PGR: variants seen among roughly 807,000 people sequenced by gnomAD.
The protein encoded by PGR is progesterone receptor.
In PGR, 25 loss-of-function variants were observed where a neutral mutation model predicts 76.1. That is an observed-to-expected ratio of 0.33 (90% CI 0.24 to 0.46). The LOEUF (loss-of-function observed/expected upper bound fraction) is 0.46. Ranked by LOEUF, PGR falls within the 20% of genes least tolerant of loss-of-function variation. PGR has a pLI of 1.00. For missense variants in PGR, 1,172 were observed against 1,225.3 expected, an observed-to-expected ratio of 0.96 and a Z score of 0.65; for synonymous variants, 579 against 535.0, an observed-to-expected ratio of 1.08 and a Z score of -1.14.
In PGR at chr11:101,128,711, C is replaced by T; in HGVS notation, c.360G>A (p.Ala120=). ...GTTGGCTCTGCCCGGGACCTGAGGG[C>T]GCCAACAGAGTGTCCAAGACACTGT... is the stretch of plus-strand genomic sequence containing the variant. ...LLDSVLDTLL[A]PSGPGQSQPS... The change falls in exon 1 of 8, where the codon GCG becomes GCA. Residue 120 remains alanine (A), a synonymous_variant. Transcript: ENST00000325455. 1 of 1,609,340 alleles carries T rather than the reference C, an allele frequency of 6.2e-7. No homozygotes were observed. The highest frequency in any genetic ancestry group is 8.5e-7 in the Non-Finnish European group (1 of 1,178,560).
Position 101,128,835 on chromosome 11 carries a change from G to T in PGR, c.236C>A (p.Ser79Ter). ...ATATGCGCCCTCCACGTCCGACAGC[G>T]ACTGCTGGTCCTGCGTCTTTTCGTC... ...PSDEKTQDQQ[S>*]LSDVEGAYSR... Residue 79 changes from serine to a stop codon, truncating the protein, a stop_gained, in exon 1 of 8, where the codon TCG becomes TAG. Transcript: ENST00000325455. LOFTEE classifies it high-confidence loss of function. 2 of 1,614,178 alleles carry T rather than the reference G, an allele frequency of 1.2e-6. No homozygotes were observed. Among genetic ancestry groups the T allele is most frequent in the East Asian group, 2.2e-5 (1 of 44,866 alleles).
rs759960940 is a variant in PGR, at chr11:101,128,421, G to T, written c.650C>A (p.Ala217Asp). 1.2e-6 allele frequency: 2 copies of T among 1,610,726 alleles called. No individual in the cohort carries two copies. The highest frequency in any genetic ancestry group is 2.2e-5 in the South Asian group (2 of 91,062). ...GAPVKPSPQA[A>D]AVEVEEEDGS... ...ATCCTCCTCCTCAACCTCCACCGCA[G>T]CGGCCTGCGGAGACGGCTTCACTGG... Residue 217 changes from alanine to aspartate, a missense_variant, in exon 1 of 8, where the codon GCT (alanine) becomes GAT (aspartate). By Grantham distance (126) the Ala-to-Asp change is moderately radical. Coordinates refer to ENST00000325455, the MANE Select transcript of PGR (RefSeq NM_000926.4).
At chr11:101,124,598 A>T (rs1862782408) in intron 2 of PGR, among the ~76,000 whole-genome samples, 1 of 152,168 alleles carries the variant, frequency 6.6e-6, no homozygotes, top group African/African-American at 2.4e-5. Flanking sequence ...TACTATCCTT[A>T]GGAGACTTTA....
chr11:101,110,626 C>T (rs998250567), intron 2 of PGR, among the ~76,000 whole-genome samples: 2 of 152,116 alleles, frequency 1.3e-5, no homozygotes, highest in African/African-American at 4.8e-5. Context: ...GAAATGACAA[C>T]AAAAGATTTA....
chr11:101,077,852 G>T (rs1861176039), intron 3 of PGR, among the ~76,000 whole-genome samples: 1 of 152,114 alleles, frequency 6.6e-6, no homozygotes, highest in Non-Finnish European at 1.5e-5. Context: ...CCAGGATTTG[G>T]GTGGAAAAAG....
chr11:101,127,893 C>T lies in PGR; in HGVS notation c.1178G>A (p.Gly393Asp). 1 of 1,607,512 alleles carries T rather than the reference C, an allele frequency of 6.2e-7. No individual in the cohort carries two copies. Among genetic ancestry groups the T allele is most frequent in the Non-Finnish European group, 8.5e-7 (1 of 1,178,998 alleles). Residue 393 changes from glycine (G) to aspartate (D), a missense_variant, in exon 1 of 8, where the codon GGC becomes GAC. Gly to Asp is a moderately conservative substitution (Grantham distance 94). This residue lies in a region of PGR where 893 missense variants were observed against 785.9 expected (regional missense o/e 1.14). Coordinates refer to ENST00000325455, the MANE Select transcript of PGR (RefSeq NM_000926.4). The part of the protein sequence containing the change: ...PALKIKEEEE[G>D]AEASARSPRS... ...CGGGGAGCGCGCGGAGGCCTCCGCGCCTTCCTCCTCCTCCTTTATCTTTAG... is the reference window on the plus strand; with the variant it reads ...CGGGGAGCGCGCGGAGGCCTCCGCGTCTTCCTCCTCCTCCTTTATCTTTAG...
At chr11:101,085,398 A>C (rs1591400644) in intron 3 of PGR, among the ~76,000 whole-genome samples, 1 of 151,964 alleles carries the variant, frequency 6.6e-6, no homozygotes, top group South Asian at 2.1e-4. Flanking sequence ...GAAAACAGAC[A>C]CAACATACCA....
At chr11:101,066,413 A>G (rs1860718141) in intron 3 of PGR, among the ~76,000 whole-genome samples, 1 of 151,810 alleles carries the variant, frequency 6.6e-6, no homozygotes, top group African/African-American at 2.4e-5. Context: ...CATCTTCTCA[A>G]CTTCTAAATC....
Position 101,029,652 on chromosome 11 carries a change from A to T in PGR, c.*9464T>A, listed in dbSNP as rs1037755236. The T allele has an allele frequency of 4.6e-5, 9 of 193,786 alleles. No individual in the cohort carries two copies. The highest frequency in any genetic ancestry group is 1.4e-4 in the African/African-American group (6 of 43,160). The allele number at this position is 193,786 out of a possible 1,614,324, so 12.0% of individuals were successfully genotyped here. On this transcript the variant is annotated 3_prime_UTR_variant, in exon 8 of 8. Coordinates refer to ENST00000325455, the MANE Select transcript of PGR (RefSeq NM_000926.4). ...AAATTAGTTTATTCTTTATTATCACACAGAATAACAAGAATTAGAGTTAAA... is the reference window on the plus strand; with the variant it reads ...AAATTAGTTTATTCTTTATTATCACTCAGAATAACAAGAATTAGAGTTAAA...
At chr11:101,070,392 G>A (rs1860885929) in intron 3 of PGR, among the ~76,000 whole-genome samples, 1 of 152,088 alleles carries the variant, frequency 6.6e-6, no homozygotes, top group Non-Finnish European at 1.5e-5. Context: ...CACAAAACTG[G>A]GCAGCCATTT....
chr11:101,071,934 C>T (rs1374104028), intron 3 of PGR, among the ~76,000 whole-genome samples: 1 of 152,086 alleles, frequency 6.6e-6, no homozygotes, highest in African/African-American at 2.4e-5. Context: ...ACTTCCCCAA[C>T]CTAGCAAGAC....
chr11:101,107,973 G>A (rs1005439723), intron 2 of PGR, among the ~76,000 whole-genome samples: 2 of 151,844 alleles, frequency 1.3e-5, no homozygotes, highest in African/African-American at 4.8e-5. Context: ...ATTTGAACTG[G>A]CCAGGTGCAG....
intron 2 of PGR, among the ~76,000 whole-genome samples, chr11:101,125,143 A>G (rs1172202415): frequency 6.6e-6 from 1 of 152,130 alleles, no homozygotes; most frequent in Non-Finnish European, 1.5e-5. Context: ...ATAGTTATAG[A>G]ATACATTTAT....
chr11:101,113,502 C>G (rs886939425), intron 2 of PGR, among the ~76,000 whole-genome samples: 1 of 151,770 alleles, frequency 6.6e-6, no homozygotes, highest in Non-Finnish European at 1.5e-5. Context: ...GATCTCCTGA[C>G]CTCGTGATCT....
chr11:101,070,604 G>T (rs1860897790), intron 3 of PGR, among the ~76,000 whole-genome samples: 1 of 152,182 alleles, frequency 6.6e-6, no homozygotes, highest in African/African-American at 2.4e-5. Flanking sequence ...GCACAGCAGT[G>T]TGAAGTCGAC....
chr11:101,050,203 C>T lies in PGR; in HGVS notation c.2358-144G>A, dbSNP rs949996892. ...ATGACTACTACTTTTAATAAACAAA[C>T]CCAATATTTGGAATTTTAAACATCT... On this transcript the variant is annotated intron_variant, in intron 5 of 7. Transcript: ENST00000325455. 37 of 809,342 alleles carry T rather than the reference C, an allele frequency of 4.6e-5. 1 individual carries two copies. In the Admixed American group the frequency reaches 8.4e-4, roughly 18 times the overall value. The allele number at this position is 809,342 out of a possible 1,614,324, so 50.1% of individuals were successfully genotyped here.
chr11:101,058,095 C>A (rs374372805), intron 4 of PGR, among the ~76,000 whole-genome samples: 1 of 152,184 alleles, frequency 6.6e-6, no homozygotes, highest in East Asian at 1.9e-4. Flanking sequence ...ACATATCTAC[C>A]TGGAAGGGAA....
intron 3 of PGR, among the ~76,000 whole-genome samples, chr11:101,078,589 C>T (rs997014118): frequency 1.3e-5 from 2 of 152,086 alleles, no homozygotes; most frequent in African/African-American, 4.8e-5. Flanking sequence ...TGCTGTACAG[C>T]AGTGAACTAA....
chr11:101,047,740 G>C (rs573175370), intron 6 of PGR, among the ~76,000 whole-genome samples: 3 of 152,086 alleles, frequency 2.0e-5, no homozygotes, highest in Non-Finnish European at 4.4e-5. Flanking sequence ...GCATCAGTTT[G>C]TACATTTGAG....
Sources: gnomAD v4.1 joint callset for allele counts (sites outside exome capture counted in the v4.1 genomes callset) on GRCh38, gnomAD v4.1.1 for gene constraint, gnomAD v4.1.1 regional missense constraint, MANE v1.5 for transcripts, NCBI Gene and HGNC (gene_info 2026-07-23, HGNC 2026-07-21) for gene names.